AKAP6: variants seen among roughly 807,000 people sequenced by gnomAD.
AKAP6 encodes the protein A-kinase anchoring protein 6, also known as A-kinase anchor protein 6.
A neutral mutation model predicts 188.5 loss-of-function variants in AKAP6; 58 were observed. The observed-to-expected ratio is 0.31, with a 90% CI of 0.25 to 0.38. AKAP6 has a LOEUF of 0.38. Among genes scored for constraint, AKAP6 ranks in the 10% least tolerant of loss-of-function variants. The probability of loss-of-function intolerance (pLI) is 1.00; values close to 1 mark genes in which losing one functional copy is unlikely to be tolerated. For missense variants in AKAP6, 2,710 were observed against 2,740.0 expected, an observed-to-expected ratio of 0.99 and a Z score of 0.24; for synonymous variants, 989 against 998.6, an observed-to-expected ratio of 0.99 and a Z score of 0.18.
At chr14:32,735,914 G>A (rs764436964) in intron 11 of AKAP6, 32 bp downstream of exon 11, 41 of 1,516,490 alleles carry the variant, frequency 2.7e-5, no homozygotes, top group Non-Finnish European at 3.2e-5. Context: ...TTGATAAAAA[G>A]CTCTTTTTAT....
chr14:32,720,267 T>G (rs2030462338), intron 9 of AKAP6, among the ~76,000 whole-genome samples: 1 of 152,206 alleles, frequency 6.6e-6, no homozygotes, highest in Non-Finnish European at 1.5e-5. Context: ...TTCTTCAAAT[T>G]TACAAGGCAA....
In AKAP6 at chr14:32,823,267, G is replaced by C; in HGVS notation, c.5454G>C (p.Arg1818Ser). The change falls in exon 13 of 14, where the codon AGG becomes AGC. Residue 1818 changes from arginine (R) to serine (S), a missense_variant. This residue lies in a region of AKAP6 where 2,473 missense variants were observed against 2,426.1 expected (regional missense o/e 1.02). Transcript: ENST00000280979. ...PKLSLTRDKKRCNVSDEMKGS... is the reference protein window; with the variant it reads ...PKLSLTRDKKSCNVSDEMKGS... ...TGTCTTTGACAAGAGATAAGAAAAGGTGCAATGTCAGTGATGAGATGAAGG... is the reference window on the plus strand; with the variant it reads ...TGTCTTTGACAAGAGATAAGAAAAGCTGCAATGTCAGTGATGAGATGAAGG... 1.2e-6 allele frequency: 2 copies of C among 1,613,730 alleles called. No individual in the cohort carries two copies. The highest frequency in any genetic ancestry group is 2.2e-5 in the South Asian group (2 of 91,072).
chr14:32,636,400 G>A (rs2139472692), intron 7 of AKAP6, among the ~76,000 whole-genome samples: 1 of 152,240 alleles, frequency 6.6e-6, no homozygotes, highest in East Asian at 1.9e-4. Context: ...TTTGATGTGT[G>A]AGTTTAAATC....
chr14:32,695,482 C>T (rs1890365854), intron 8 of AKAP6, among the ~76,000 whole-genome samples: 1 of 151,970 alleles, frequency 6.6e-6, no homozygotes, highest in African/African-American at 2.4e-5. Flanking sequence ...TGATAGTGAT[C>T]CTTATACAGA....
chr14:32,820,205 G>A (rs1185129904), intron 12 of AKAP6, among the ~76,000 whole-genome samples: 6 of 151,846 alleles, frequency 4.0e-5, no homozygotes, highest in East Asian at 1.9e-4. Flanking sequence ...GCTTGGCTAC[G>A]CTGCATAAGC....
chr14:32,358,426 T>C (rs1887550593), intron 1 of AKAP6, among the ~76,000 whole-genome samples: 1 of 152,224 alleles, frequency 6.6e-6, no homozygotes, highest in Non-Finnish European at 1.5e-5. Flanking sequence ...GAACTCTTGC[T>C]TATTTTCTTA....
intron 11 of AKAP6, among the ~76,000 whole-genome samples, chr14:32,753,582 C>T (rs1311515645): frequency 1.3e-5 from 2 of 152,026 alleles, no homozygotes; most frequent in Admixed American, 6.6e-5. Context: ...TCCCAAAACT[C>T]GTTCAGACCA....
In AKAP6 at chr14:32,568,885, A is replaced by AT. The variant is rs921021454; in HGVS notation, c.2347-8230dup. 8.5e-4 allele frequency among the ~76,000 whole-genome samples: 129 copies of AT among 152,174 alleles called. 1 individual carries two copies. Among genetic ancestry groups the AT allele is most frequent in the Non-Finnish European group, 1.2e-3 (80 of 67,990 alleles). On this transcript the variant is annotated intron_variant, in intron 4 of 13. Transcript: ENST00000280979. This position sits in a 1 kb window ranked among gnomAD's most constrained non-coding sequence, Gnocchi z 6.2. ...TATTCCCATTTTTTTATTTGTACCTATTTTTATTAGACTTTGATGATATGC... is the reference window on the plus strand; with the variant it reads ...TATTCCCATTTTTTTATTTGTACCTATTTTTTATTAGACTTTGATGATATGC...
Position 32,550,318 on chromosome 14 carries a change from C to T in AKAP6, c.2346+3319C>T, listed in dbSNP as rs375712756. 4.8e-4 allele frequency among the ~76,000 whole-genome samples: 73 copies of T among 152,244 alleles called. No individual in the cohort carries two copies. In the South Asian group the frequency reaches 0.015, roughly 30 times the overall value. ...TTTTTTAAAAACCGTGCATAGATAGCATATGATGAAACTTTTAAGAAGAAA... is the reference window on the plus strand; with the variant it reads ...TTTTTTAAAAACCGTGCATAGATAGTATATGATGAAACTTTTAAGAAGAAA... On this transcript the variant is annotated intron_variant, in intron 4 of 13. Transcript: ENST00000280979.
At position 32,643,276 on chromosome 14, in the gene AKAP6, C is replaced by T. The variant is rs192860846; in HGVS notation, c.2731-35035C>T. Among the ~76,000 whole-genome samples, 4 of 151,836 alleles carry T rather than the reference C, an allele frequency of 2.6e-5. No homozygotes were observed. In the East Asian group the frequency reaches 7.8e-4, roughly 29 times the overall value. Reference sequence around the variant, plus strand: ...GCCACCTTCTCTTCTTTTTGTTTTGCCTCTCCTTCTTCATTTTCTTCATAC... The same window carrying T: ...GCCACCTTCTCTTCTTTTTGTTTTGTCTCTCCTTCTTCATTTTCTTCATAC... On this transcript the variant is annotated intron_variant, in intron 7 of 13. Transcript: ENST00000280979.
At chr14:32,556,305 G>C (rs926233635) in intron 4 of AKAP6, among the ~76,000 whole-genome samples, 5 of 151,892 alleles carry the variant, frequency 3.3e-5, no homozygotes, top group African/African-American at 1.2e-4. Context: ...CGTTATTTGA[G>C]TTTTGTTGTT....
chr14:32,465,100 A>C (rs1187077692), intron 2 of AKAP6, among the ~76,000 whole-genome samples: 1 of 152,234 alleles, frequency 6.6e-6, no homozygotes, highest in South Asian at 2.1e-4. Context: ...GGACACAAAC[A>C]AATGGAAAAA....
chr14:32,781,548 A>G (rs1036561360), intron 12 of AKAP6, among the ~76,000 whole-genome samples: 2 of 152,130 alleles, frequency 1.3e-5, no homozygotes, highest in Non-Finnish European at 2.9e-5. Context: ...AAAGGAAAGA[A>G]TATTTTTCAT....
intron 8 of AKAP6, among the ~76,000 whole-genome samples, chr14:32,691,527 C>T (rs1890177974): frequency 6.6e-6 from 1 of 152,074 alleles, no homozygotes; most frequent in South Asian, 2.1e-4. Context: ...TTCAAAAGCA[C>T]CTACAAAGAA....
intron 2 of AKAP6, among the ~76,000 whole-genome samples, chr14:32,502,673 TA>T (rs1257441357): frequency 6.6e-6 from 1 of 152,140 alleles, no homozygotes; most frequent in Non-Finnish European, 1.5e-5. Flanking sequence ...AATGTGAATA[TA>T]TATTCTTAGT....
chr14:32,538,330 T>TAA (rs138424726), intron 3 of AKAP6, among the ~76,000 whole-genome samples: 2 of 151,826 alleles, frequency 1.3e-5, no homozygotes, highest in South Asian at 2.1e-4. Context: ...AATGGCAAAA[T>TAA]AAAAAAACAC....
chr14:32,759,541 G>T (rs1051572879), intron 11 of AKAP6, among the ~76,000 whole-genome samples: 3 of 152,158 alleles, frequency 2.0e-5, no homozygotes, highest in African/African-American at 7.2e-5. Flanking sequence ...TTCTTGCATT[G>T]CTATAAAGAG....
intron 2 of AKAP6, among the ~76,000 whole-genome samples, chr14:32,436,136 G>T (rs958488440): frequency 6.6e-6 from 1 of 152,108 alleles, no homozygotes; most frequent in African/African-American, 2.4e-5. Flanking sequence ...AGCTGTGATG[G>T]GGCATCTTAA....
chr14:32,434,401 G>C (rs533856545), intron 2 of AKAP6, among the ~76,000 whole-genome samples: 1 of 152,316 alleles, frequency 6.6e-6, no homozygotes, highest in Non-Finnish European at 1.5e-5. Flanking sequence ...TTAAAAGCCT[G>C]ACTGTTGGTG....
Sources: gnomAD v4.1 joint callset for allele counts (sites outside exome capture counted in the v4.1 genomes callset) on GRCh38, gnomAD v4.1.1 for gene constraint, gnomAD v4.1.1 regional missense constraint, Gnocchi (gnomAD v3.1) non-coding constraint, MANE v1.5 for transcripts, NCBI Gene and HGNC (gene_info 2026-07-23, HGNC 2026-07-21) for gene names.